The following CMIP variants were observed in gnomAD, a reference collection of about 807,000 sequenced individuals.
CMIP encodes C-Maf-inducing protein.
A neutral mutation model predicts 97.3 loss-of-function variants in CMIP; 13 were observed. The ratio of observed to expected loss-of-function variants is 0.13; its 90% confidence interval spans 0.09 to 0.21. The LOEUF is 0.21. CMIP is among the 10% of genes least tolerant of loss of function. CMIP has a pLI of 1.00. For missense variants in CMIP, 847 were observed against 1,024.9 expected, an observed-to-expected ratio of 0.83 and a Z score of 2.37; for synonymous variants, 538 against 436.3, an observed-to-expected ratio of 1.23 and a Z score of -2.91.
chr16:81,542,776 T>G (rs1302969650), intron 1 of CMIP, among the ~76,000 whole-genome samples: 1 of 152,134 alleles, frequency 6.6e-6, no homozygotes, highest in African/African-American at 2.4e-5. Flanking sequence ...GGGCCCCAAC[T>G]TCATGACCTC....
intron 1 of CMIP, among the ~76,000 whole-genome samples, chr16:81,547,270 A>G (rs1364663390): frequency 6.6e-6 from 1 of 152,194 alleles, no homozygotes; most frequent in African/African-American, 2.4e-5. Context: ...GTCGTAGACC[A>G]TGTCATGTTT....
chr16:81,656,481 G>C (rs938373188), intron 4 of CMIP, among the ~76,000 whole-genome samples: 1 of 152,188 alleles, frequency 6.6e-6, no homozygotes, highest in South Asian at 2.1e-4. Flanking sequence ...AAGCAAAGCA[G>C]AACACACCAC....
intron 3 of CMIP, among the ~76,000 whole-genome samples, chr16:81,625,707 C>G (rs1261536216): frequency 1.3e-5 from 2 of 152,218 alleles, no homozygotes; most frequent in Non-Finnish European, 2.9e-5. Flanking sequence ...GTCCAGGCTA[C>G]TGGGCTGTGA....
intron 3 of CMIP, among the ~76,000 whole-genome samples, chr16:81,639,627 C>T (rs1427818262): frequency 6.6e-6 from 1 of 152,224 alleles, no homozygotes; most frequent in African/African-American, 2.4e-5. Context: ...GGGTAGACCA[C>T]ACCTTATGTC....
chr16:81,652,372 C>T lies in CMIP; in HGVS notation c.639+8C>T. On this transcript the variant is annotated splice_region_variant and intron_variant, in intron 4 of 20. Coordinates refer to ENST00000537098, the MANE Select transcript of CMIP (RefSeq NM_198390.3). The surrounding 1 kb of genome is among the most constrained non-coding windows in gnomAD (Gnocchi z 5.2). ...TCGAAACTGCTCTCAGAGGTAAAAC[C>T]CCTCCCCTGGACCCCTTTACATTGT... The T allele has an allele frequency of 1.9e-6, 3 of 1,610,798 alleles. No homozygotes were observed. Among genetic ancestry groups the T allele is most frequent in the Non-Finnish European group, 2.5e-6 (3 of 1,178,592 alleles).
intron 3 of CMIP, among the ~76,000 whole-genome samples, chr16:81,641,187 G>T (rs903230549): frequency 2.6e-5 from 4 of 152,156 alleles, no homozygotes; most frequent in African/African-American, 9.7e-5. Context: ...AATGAGAGTT[G>T]CAGGGTAGGT....
intron 10 of CMIP, among the ~76,000 whole-genome samples, chr16:81,688,368 T>C (rs985366865): frequency 2.0e-5 from 3 of 152,204 alleles, no homozygotes; most frequent in African/African-American, 7.2e-5. Flanking sequence ...AGGCGTTGGC[T>C]TTTGCTAAGA....
intron 1 of CMIP, among the ~76,000 whole-genome samples, chr16:81,600,438 C>T (rs1176851768): frequency 6.6e-6 from 1 of 152,118 alleles, no homozygotes; most frequent in Non-Finnish European, 1.5e-5. Context: ...CCGACTCATG[C>T]CATAGCACAG....
chr16:81,532,820 C>T (rs530811216), intron 1 of CMIP, among the ~76,000 whole-genome samples: 1 of 152,274 alleles, frequency 6.6e-6, no homozygotes, highest in African/African-American at 2.4e-5. Flanking sequence ...ACTGTGTGAC[C>T]TTGGACACAC....
chr16:81,675,357 C>G (rs187954889), intron 9 of CMIP, among the ~76,000 whole-genome samples: 5 of 149,442 alleles, frequency 3.3e-5, no homozygotes, highest in East Asian at 2.0e-4. Flanking sequence ...GTGTGCACTG[C>G]CACACCTGGC....
chr16:81,669,659 C>T (rs1391129820), intron 7 of CMIP, among the ~76,000 whole-genome samples: 4 of 143,630 alleles, frequency 2.8e-5, no homozygotes, highest in Admixed American at 6.9e-5. Context: ...ACACCTTCCA[C>T]ACCCACCTCA....
chr16:81,594,608 G>A (rs535391091), intron 1 of CMIP, among the ~76,000 whole-genome samples: 46 of 151,746 alleles, frequency 3.0e-4, no homozygotes, highest in African/African-American at 1.0e-3. Flanking sequence ...CTATGATAAA[G>A]TTTTTGTTTT....
At chr16:81,647,707 C>G (rs144220412) in intron 3 of CMIP, among the ~76,000 whole-genome samples, 1 of 152,244 alleles carries the variant, frequency 6.6e-6, no homozygotes, top group Non-Finnish European at 1.5e-5. Flanking sequence ...CCTATCCCAG[C>G]TCCACCATGA....
intron 1 of CMIP, among the ~76,000 whole-genome samples, chr16:81,526,150 T>A (rs2090130429): frequency 6.6e-6 from 1 of 152,196 alleles, no homozygotes; most frequent in Admixed American, 6.5e-5. Flanking sequence ...TGTTTGGGTC[T>A]ATACCTAGGT....
chr16:81,605,450 CTCCTT>C (rs1307507238), intron 1 of CMIP, among the ~76,000 whole-genome samples: 1 of 152,224 alleles, frequency 6.6e-6, no homozygotes, highest in Non-Finnish European at 1.5e-5. Flanking sequence ...CCACCACTGT[CTCCTT>C]TCAAGTCTGT....
intron 2 of CMIP, among the ~76,000 whole-genome samples, chr16:81,611,095 G>C (rs2091824488): frequency 6.6e-6 from 1 of 152,192 alleles, no homozygotes; most frequent in South Asian, 2.1e-4. Flanking sequence ...GCAGCCCACA[G>C]ATGGATTTAA....
chr16:81,571,197 G>A (rs1438877650), intron 1 of CMIP, among the ~76,000 whole-genome samples: 1 of 152,112 alleles, frequency 6.6e-6, no homozygotes, highest in African/African-American at 2.4e-5. Context: ...ACAGGCGGGT[G>A]CAGTGACTCA....
chr16:81,450,859 C>T (rs747232171), intron 1 of CMIP, among the ~76,000 whole-genome samples: 13 of 152,212 alleles, frequency 8.5e-5, no homozygotes, highest in Non-Finnish European at 1.3e-4. Context: ...ACTCGACGTC[C>T]ACACAGCCCC....
Position 81,621,787 on chromosome 16 carries a change from C to G in CMIP, c.477+861C>G, listed in dbSNP as rs1041024393. 3 of 152,594 alleles carry G rather than the reference C, an allele frequency of 2.0e-5. No individual in the cohort carries two copies. Among genetic ancestry groups the G allele is most frequent in the Non-Finnish European group, 4.4e-5 (3 of 68,066 alleles). The allele number at this position is 152,594 out of a possible 1,614,324, so 9.5% of individuals were successfully genotyped here. A position where few individuals can be genotyped will look rare whatever the true frequency, so the allele number is the denominator to read the frequency against. ...GTGCCATGTCACGTGTTGGGAGGAC[C>G]CAGGGAACACTCAGGATTCCTCTCA... On this transcript the variant is annotated intron_variant, in intron 3 of 20. Transcript: ENST00000537098. The surrounding 1 kb of genome is among the most constrained non-coding windows in gnomAD (Gnocchi z 4.1).
Sources: allele counts gnomAD v4.1 joint callset (sites outside exome capture counted in the v4.1 genomes callset), GRCh38; gene constraint gnomAD v4.1.1; non-coding constraint Gnocchi (gnomAD v3.1); transcripts MANE v1.5; gene names NCBI Gene and HGNC (gene_info 2026-07-23, HGNC 2026-07-21).